Variants in PLEKHD1 observed in about 807,000 individuals in gnomAD.
PLEKHD1 encodes the protein pleckstrin homology and coiled-coil domain containing D1.
PLEKHD1 carries 51 observed loss-of-function variants against 69.2 expected under a neutral mutation model. The observed-to-expected ratio is 0.74, with a 90% confidence interval of 0.59 to 0.93. The LOEUF is 0.93. Ranked by LOEUF, PLEKHD1 falls within the 40% of genes least tolerant of loss-of-function variation. The pLI is 0.00. For missense variants in PLEKHD1, 584 were observed against 641.0 expected, an observed-to-expected ratio of 0.91 and a Z score of 0.96; for synonymous variants, 236 against 244.7, an observed-to-expected ratio of 0.96 and a Z score of 0.33.
At position 69,528,653 on chromosome 14, in the gene PLEKHD1, T is replaced by C; in HGVS notation, c.*234T>C. 1.7e-6 allele frequency: 1 copy of C among 580,708 alleles called. No individual in the cohort carries two copies. The highest frequency in any genetic ancestry group is 3.0e-6 in the Non-Finnish European group (1 of 331,918). The allele number at this position is 580,708 out of a possible 1,614,324, so 36.0% of individuals were successfully genotyped here. On this transcript the variant is annotated 3_prime_UTR_variant, in exon 13 of 13. Transcript: ENST00000322564. ...GGTCCACACCAGGGCCATGCAGGCC[T>C]GAGCTGGGTGCTGGTTGTCATGGTG... is the stretch of plus-strand genomic sequence containing the variant.
At chr14:69,505,616 C>T (rs1202974983) in intron 6 of PLEKHD1, among the ~76,000 whole-genome samples, 1 of 152,174 alleles carries the variant, frequency 6.6e-6, no homozygotes, top group Non-Finnish European at 1.5e-5. Flanking sequence ...CTTCAATTTC[C>T]CCCCATCTGG....
intron 8 of PLEKHD1, among the ~76,000 whole-genome samples, chr14:69,524,883 T>A (rs753674333): frequency 3.9e-4 from 60 of 152,074 alleles, no homozygotes; most frequent in Admixed American, 9.2e-4. Flanking sequence ...TGCTCCTCCA[T>A]GCCCTGCACA....
chr14:69,476,257 C>CA, the PLEKHD1 span, among the ~76,000 whole-genome samples: 13,122 of 77,146 alleles, frequency 0.17, 2,004 homozygotes, highest in African/African-American at 0.39. Context: ...GACTCTGTCT[C>CA]AAAAAAAAAA....
the PLEKHD1 span, among the ~76,000 whole-genome samples, chr14:69,477,871 G>T: frequency 6.6e-6 from 1 of 152,214 alleles, no homozygotes; most frequent in Non-Finnish European, 1.5e-5. Flanking sequence ...TTTTCCTGGT[G>T]CATGGTGCAA....
At chr14:69,522,236 G>C in intron 6 of PLEKHD1, 47 bp from the exon 7 acceptor site, 1 of 1,518,956 alleles carries the variant, frequency 6.6e-7, no homozygotes, top group Non-Finnish European at 8.9e-7. Context: ...TGATCTCAGG[G>C]TTCCTTTGCT....
intron 6 of PLEKHD1, chr14:69,503,485 A>G: frequency 1.3e-5 from 2 of 153,608 alleles, no homozygotes; most frequent in Non-Finnish European, 2.9e-5. Flanking sequence ...GAGGTCGGGA[A>G]TTCAAGACCA....
At chr14:69,490,285 C>T (rs1566935686) in intron 1 of PLEKHD1, among the ~76,000 whole-genome samples, 1 of 152,220 alleles carries the variant, frequency 6.6e-6, no homozygotes, top group African/African-American at 2.4e-5. Flanking sequence ...ATTAGATTCT[C>T]ATAATGACTG....
Position 69,498,638 on chromosome 14 carries a change from CTTCTCTTCTCTTCTCTTCTCTTCTT to C in PLEKHD1, c.150-1475_150-1451del, listed in dbSNP as rs1257490255. ...CTTCTCTTCTCTTCTCTTCTCTTCT[CTTCTCTTCTCTTCTCTTCTCTTCTT>C]TGAGATGGAGTCTCACTCGTGTTGC... On this transcript the variant is annotated intron_variant, in intron 1 of 12. Coordinates refer to ENST00000322564, the MANE Select transcript of PLEKHD1 (RefSeq NM_001161498.2). Among the ~76,000 whole-genome samples the C allele has an allele frequency of 2.7e-3, 384 of 142,800 alleles. 3 individuals carry two copies. The highest frequency in any genetic ancestry group is 0.011 in the South Asian group (51 of 4,618). The allele number at this position is 142,800 out of a possible 152,430, so 93.7% of individuals were successfully genotyped here.
chr14:69,477,803 T>C, the PLEKHD1 span, among the ~76,000 whole-genome samples: 1 of 152,220 alleles, frequency 6.6e-6, no homozygotes, highest in East Asian at 1.9e-4. Context: ...CCTGTGGCTC[T>C]GCAGGGTACA....
upstream of PLEKHD1, among the ~76,000 whole-genome samples, chr14:69,483,325 G>T (rs967380713): frequency 6.6e-6 from 1 of 151,820 alleles, no homozygotes; most frequent in Non-Finnish European, 1.5e-5. Context: ...CATCTAGTGG[G>T]CGTCACACAT....
chr14:69,496,622 C>G (rs1477776051), intron 1 of PLEKHD1, among the ~76,000 whole-genome samples: 1 of 151,648 alleles, frequency 6.6e-6, no homozygotes, highest in Non-Finnish European at 1.5e-5. Flanking sequence ...CTCACTGCAG[C>G]TTTGAACTCC....
At chr14:69,502,556 C>T in intron 5 of PLEKHD1, 1 of 473,382 alleles carries the variant, frequency 2.1e-6, no homozygotes. Flanking sequence ...CCAGGTGCAG[C>T]AGGCCTGGGG....
the PLEKHD1 span, among the ~76,000 whole-genome samples, chr14:69,467,881 T>A: frequency 6.6e-6 from 1 of 152,318 alleles, no homozygotes; most frequent in African/African-American, 2.4e-5. Context: ...CCTCAGAAGC[T>A]CCTTGGAATT....
intron 6 of PLEKHD1, among the ~76,000 whole-genome samples, chr14:69,511,586 G>T (rs900464126): frequency 2.0e-5 from 3 of 151,756 alleles, no homozygotes; most frequent in Non-Finnish European, 2.9e-5. Flanking sequence ...GTCTTGCTCT[G>T]TCACCCAGGC....
At position 69,500,341 on chromosome 14, in the gene PLEKHD1, G is replaced by T. The variant is rs992078756; in HGVS notation, c.243+133G>T. 1.3e-5 allele frequency: 11 copies of T among 820,934 alleles called. No homozygotes were observed. The East Asian group carries it at 2.7e-4, about 20-fold the overall frequency. The allele number at this position is 820,934 out of a possible 1,614,324, so 50.9% of individuals were successfully genotyped here. ...AGTCTGGAGAGCAAATCCTCTTGGGGCAAAAGACCCCCTGCCCCTGTCCTG... is the reference window on the plus strand; with the variant it reads ...AGTCTGGAGAGCAAATCCTCTTGGGTCAAAAGACCCCCTGCCCCTGTCCTG... On this transcript the variant is annotated intron_variant, in intron 2 of 12. Transcript: ENST00000322564.
intron 1 of PLEKHD1, among the ~76,000 whole-genome samples, chr14:69,495,626 C>T (rs1405159994): frequency 1.3e-5 from 2 of 152,220 alleles, no homozygotes; most frequent in African/African-American, 4.8e-5. Context: ...TCATTATTGT[C>T]ATTACCATGG....
chr14:69,490,506 C>T (rs1336460545), intron 1 of PLEKHD1, among the ~76,000 whole-genome samples: 1 of 152,114 alleles, frequency 6.6e-6, no homozygotes, highest in African/African-American at 2.4e-5. Context: ...GGTCCAGGGC[C>T]CAGGGGTTGA....
chr14:69,501,696 C>T, intron 4 of PLEKHD1, 38 bp from the exon 5 acceptor site: 2 of 1,443,534 alleles, frequency 1.4e-6, no homozygotes, highest in Non-Finnish European at 1.9e-6. Flanking sequence ...CTGTTTCTTC[C>T]TCTTCTCTCC....
upstream of PLEKHD1, among the ~76,000 whole-genome samples, chr14:69,483,128 G>C (rs1001657854): frequency 6.6e-6 from 1 of 152,180 alleles, no homozygotes; most frequent in Non-Finnish European, 1.5e-5. Context: ...GGCTTGGCCT[G>C]AGATGTTCTG....
Sources: gnomAD v4.1 joint callset for allele counts (sites outside exome capture counted in the v4.1 genomes callset) on GRCh38, gnomAD v4.1.1 for gene constraint, MANE v1.5 for transcripts, NCBI Gene and HGNC (gene_info 2026-07-23, HGNC 2026-07-21) for gene names.